Variants in FAM131B observed in about 807,000 individuals in gnomAD.
FAM131B encodes family with sequence similarity 131 member B.
FAM131B carries 19 observed loss-of-function variants against 42.0 expected under a neutral mutation model. That is an observed-to-expected ratio of 0.45 (90% CI 0.32 to 0.66). The LOEUF (loss-of-function observed/expected upper bound fraction) is 0.66. Among genes scored for constraint, FAM131B ranks in the 30% least tolerant of loss-of-function variants. The pLI is 0.05. For missense variants in FAM131B, 370 were observed against 468.4 expected, an observed-to-expected ratio of 0.79 and a Z score of 1.94; for synonymous variants, 183 against 177.6, an observed-to-expected ratio of 1.03 and a Z score of -0.24.
the FAM131B span, chr7:143,380,478 C>T: frequency 2.0e-6 from 2 of 985,418 alleles, no homozygotes; most frequent in South Asian, 4.7e-5. This position sits in a 1 kb window ranked among gnomAD's most constrained non-coding sequence, Gnocchi z 5.0. Flanking sequence ...CGTTGAAGGG[C>T]CGTAAAAGAC....
Position 143,358,191 on chromosome 7 carries a change from C to T in FAM131B, c.466+636G>A, listed in dbSNP as rs569934315. Among the ~76,000 whole-genome samples, 78 of 152,200 alleles carry T rather than the reference C, an allele frequency of 5.1e-4. No homozygotes were observed. The highest frequency in any genetic ancestry group is 1.7e-3 in the African/African-American group (70 of 41,524). ...GCCCCCCACCCTACATGTTTGTCAC[C>T]CTGTTCACTGATATTTCTCCTCCCA... On this transcript the variant is annotated intron_variant, in intron 5 of 6. Coordinates refer to ENST00000443739, the MANE Select transcript of FAM131B (RefSeq NM_001031690.3). The surrounding 1 kb of genome is among the most constrained non-coding windows in gnomAD (Gnocchi z 4.7).
chr7:143,360,106 G>C lies in FAM131B; in HGVS notation c.72C>G (p.Val24=), dbSNP rs746471383. Residue 24 remains valine, a synonymous_variant, in exon 2 of 7, where the codon GTC becomes GTG. Transcript: ENST00000443739. ...IAVDWKGLKD[V]DQINMDSTSS... ...TGGTGCTGTCCATGTTGATTTGATC[G>C]ACATCCTTCAGGCCCTTCCAATCCA... 1.2e-6 allele frequency: 2 copies of C among 1,613,874 alleles called. No homozygotes were observed. Among genetic ancestry groups the C allele is most frequent in the African/African-American group, 2.7e-5 (2 of 75,018 alleles).
chr7:143,359,756 A>G lies in FAM131B; in HGVS notation c.150T>C (p.Thr50=). 1.9e-6 allele frequency: 3 copies of G among 1,570,604 alleles called. No individual in the cohort carries two copies. Among genetic ancestry groups the G allele is most frequent in the Non-Finnish European group, 2.6e-6 (3 of 1,157,308 alleles). The stretch of plus-strand genomic sequence containing the variant: ...CGTTGATGCCGTCCCAGGAGAAATC[A>G]GTTCGAGTTTGCTGTGAGGAGAGAG... ...LHRPSTEQTR[T]DFSWDGINLS... Residue 50 remains threonine, a synonymous_variant, in exon 3 of 7, where the codon ACT becomes ACC. Transcript: ENST00000443739. The surrounding 1 kb of genome is among the most constrained non-coding windows in gnomAD (Gnocchi z 5.4).
upstream of FAM131B, among the ~76,000 whole-genome samples, chr7:143,367,627 C>T (rs1264533278): frequency 6.6e-6 from 1 of 152,128 alleles, no homozygotes; most frequent in Admixed American, 6.5e-5. Flanking sequence ...ATCGCTTGAA[C>T]CCGGGAGGTG....
At chr7:143,381,271 C>T in the FAM131B span, 6 of 1,059,018 alleles carry the variant, frequency 5.7e-6, no homozygotes, top group Non-Finnish European at 6.9e-6. Context: ...TCTCTCCCCG[C>T]CCCCTCTCTT....
the FAM131B span, chr7:143,381,817 G>C: frequency 3.4e-6 from 5 of 1,492,502 alleles, no homozygotes; most frequent in Middle Eastern, 2.1e-4. Context: ...CCCGGCAGGA[G>C]CCGGGGTGGG....
At chr7:143,382,119 C>T in the FAM131B span, 1 of 820,972 alleles carries the variant, frequency 1.2e-6, no homozygotes, top group Non-Finnish European at 1.9e-6. Flanking sequence ...TGCGCCCCTC[C>T]TTTGCTTCCC....
At chr7:143,381,847 T>C in the FAM131B span, 2 of 1,405,676 alleles carry the variant, frequency 1.4e-6, no homozygotes, top group Non-Finnish European at 1.9e-6. Flanking sequence ...TTTCGGGAAT[T>C]TGGGGATGTC....
Position 143,359,455 on chromosome 7 carries a change from A to G in FAM131B, c.175-36T>C, listed in dbSNP as rs746907872. On this transcript the variant is annotated intron_variant, in intron 3 of 6. Transcript: ENST00000443739. This position sits in a 1 kb window ranked among gnomAD's most constrained non-coding sequence, Gnocchi z 5.4. ...AATGTGGGAGGAAGGGCAGAGGAAT[A>G]AGAAGGTACGGGCGTGCTTTATACA... is the stretch of plus-strand genomic sequence containing the variant. The G allele has an allele frequency of 3.9e-6, 6 of 1,522,350 alleles. No homozygotes were observed. In the South Asian group the frequency reaches 6.8e-5, roughly 17 times the overall value. The allele number at this position is 1,522,350 out of a possible 1,614,324, so 94.3% of individuals were successfully genotyped here. A position where few individuals can be genotyped will look rare whatever the true frequency, so the allele number is the denominator to read the frequency against.
intron 5 of FAM131B, 81 bp from the exon 6 acceptor site, chr7:143,357,504 C>A: frequency 8.5e-7 from 1 of 1,177,492 alleles, no homozygotes; most frequent in Admixed American, 2.5e-5. Context: ...CATCTTAGTG[C>A]AGCACTGTTC....
At chr7:143,357,626 G>T (rs562693255) in intron 5 of FAM131B, among the ~76,000 whole-genome samples, 12 of 152,048 alleles carry the variant, frequency 7.9e-5, no homozygotes, top group Non-Finnish European at 1.5e-5. Context: ...TATTTAATTC[G>T]ATATATAAAA....
chr7:143,379,381 G>A, the FAM131B span, among the ~76,000 whole-genome samples: 5 of 152,202 alleles, frequency 3.3e-5, no homozygotes, highest in East Asian at 3.8e-4. Flanking sequence ...TGTGCACTGC[G>A]TACTACCCAT....
the FAM131B span, among the ~76,000 whole-genome samples, chr7:143,370,604 C>T: frequency 8.5e-5 from 13 of 152,172 alleles, no homozygotes; most frequent in Non-Finnish European, 1.3e-4. Flanking sequence ...TTCACTGCTA[C>T]CCTCCCACCA....
the FAM131B span, chr7:143,380,760 A>ACGCCCCGCTCCTCACCC: frequency 4.3e-5 from 42 of 985,188 alleles, no homozygotes; most frequent in Non-Finnish European, 4.8e-5. This position sits in a 1 kb window ranked among gnomAD's most constrained non-coding sequence, Gnocchi z 5.0. Context: ...GGGAGGGAGA[A>ACGCCCCGCTCCTCACCC]CGCCCCGCTC....
At chr7:143,371,060 G>C in the FAM131B span, among the ~76,000 whole-genome samples, 2 of 152,070 alleles carry the variant, frequency 1.3e-5, no homozygotes, top group Admixed American at 1.3e-4. Flanking sequence ...CTCCTTCTTT[G>C]TCTTTTTTTG....
the FAM131B span, among the ~76,000 whole-genome samples, chr7:143,375,625 C>T: frequency 6.6e-6 from 1 of 152,108 alleles, no homozygotes. Context: ...ATATGAAGCC[C>T]ACCTTATTAA....
rs928826302 is a variant in FAM131B, at chr7:143,359,901, T to G, written c.139-134A>C. The G allele has an allele frequency of 5.9e-6, 6 of 1,013,486 alleles. No homozygotes were observed. The highest frequency in any genetic ancestry group is 3.2e-5 in the African/African-American group (2 of 62,624). 62.8% of individuals were successfully genotyped at this position (1,013,486 alleles called of 1,614,324 possible). ...CCTGAGGTTGATGCCGCTAACTGGG[T>G]TCTCCATGTGGACTGCTTGGCATGT... is the stretch of plus-strand genomic sequence containing the variant. On this transcript the variant is annotated intron_variant, in intron 2 of 6. Coordinates refer to ENST00000443739, the MANE Select transcript of FAM131B (RefSeq NM_001031690.3). The surrounding 1 kb of genome is among the most constrained non-coding windows in gnomAD (Gnocchi z 5.4).
In FAM131B at chr7:143,359,517, A is replaced by C; in HGVS notation, c.175-98T>G. On this transcript the variant is annotated intron_variant, in intron 3 of 6. Coordinates refer to ENST00000443739, the MANE Select transcript of FAM131B (RefSeq NM_001031690.3). The surrounding 1 kb of genome is among the most constrained non-coding windows in gnomAD (Gnocchi z 5.4). Reference sequence around the variant, plus strand: ...CATGGTTTCCAGGAAAAAGCATTCGAGCTAGGGCAGATGATAAGAAAAGCT... The same window carrying C: ...CATGGTTTCCAGGAAAAAGCATTCGCGCTAGGGCAGATGATAAGAAAAGCT... 9.6e-7 allele frequency: 1 copy of C among 1,036,594 alleles called. No individual in the cohort carries two copies. 64.2% of individuals were successfully genotyped at this position (1,036,594 alleles called of 1,614,324 possible). A position where few individuals can be genotyped will look rare whatever the true frequency, so the allele number is the denominator to read the frequency against.
At position 143,358,780 on chromosome 7, in the gene FAM131B, C is replaced by A; in HGVS notation, c.466+47G>T. The stretch of plus-strand genomic sequence containing the variant: ...GGGGATCAGGTTGGAGGGTCGGTCC[C>A]TGGCCATCCTGCAAATGTGTCTCTT... On this transcript the variant is annotated intron_variant, in intron 5 of 6. Coordinates refer to ENST00000443739, the MANE Select transcript of FAM131B (RefSeq NM_001031690.3). The surrounding 1 kb of genome is among the most constrained non-coding windows in gnomAD (Gnocchi z 4.7). 6.5e-7 allele frequency: 1 copy of A among 1,541,566 alleles called. No homozygotes were observed.
Sources: gnomAD v4.1 joint callset for allele counts (sites outside exome capture counted in the v4.1 genomes callset) on GRCh38, gnomAD v4.1.1 for gene constraint, Gnocchi (gnomAD v3.1) non-coding constraint, MANE v1.5 for transcripts, NCBI Gene and HGNC (gene_info 2026-07-23, HGNC 2026-07-21) for gene names.